NEK5: variants seen among roughly 807,000 people sequenced by gnomAD.
NEK5 encodes NIMA related kinase 5.
A neutral mutation model predicts 109.2 loss-of-function variants in NEK5; 88 were observed. That is an observed-to-expected ratio of 0.81 (90% CI 0.68 to 0.96). The LOEUF is 0.96. Ranked by LOEUF, NEK5 falls within the 40% of genes least tolerant of loss-of-function variation. NEK5 has a pLI of 0.00. For missense variants in NEK5, 834 were observed against 920.7 expected (o/e 0.91, Z 1.22); for synonymous variants, 283 against 299.9 (o/e 0.94, Z 0.58).
intron 9 of NEK5, among the ~76,000 whole-genome samples, chr13:52,102,635 G>A (rs1269420138): frequency 6.6e-6 from 1 of 152,220 alleles, no homozygotes; most frequent in Non-Finnish European, 1.5e-5. Context: ...CAAAGCTGCA[G>A]TAAGCCGTGA....
At chr13:52,060,214 T>C (rs1215324630) in intron 22 of NEK5, among the ~76,000 whole-genome samples, 1 of 152,136 alleles carries the variant, frequency 6.6e-6, no homozygotes, top group Non-Finnish European at 1.5e-5. Context: ...GATGTGTTAA[T>C]AAAATGTCCT....
chr13:52,113,297 T>C (rs1429455817), intron 4 of NEK5, among the ~76,000 whole-genome samples: 1 of 152,210 alleles, frequency 6.6e-6, no homozygotes, highest in Non-Finnish European at 1.5e-5. Flanking sequence ...TTCAGAACTA[T>C]AGTCAGTGGA....
At chr13:52,117,830 T>G (rs754017162) in intron 4 of NEK5, among the ~76,000 whole-genome samples, 20 of 152,198 alleles carry the variant, frequency 1.3e-4, no homozygotes, top group Non-Finnish European at 1.5e-4. Context: ...GAATTGTGAG[T>G]TCAGAAAAGG....
At chr13:52,096,583 CAG>C (rs955228174) in intron 12 of NEK5, among the ~76,000 whole-genome samples, 2 of 152,126 alleles carry the variant, frequency 1.3e-5, no homozygotes, top group Admixed American at 1.3e-4. Flanking sequence ...GGGCGTCTGA[CAG>C]AAAAAATTTC....
intron 20 of NEK5, among the ~76,000 whole-genome samples, chr13:52,068,982 A>AAAAAAAG (rs1954739496): frequency 6.6e-6 from 1 of 150,562 alleles, no homozygotes; most frequent in Non-Finnish European, 1.5e-5. Flanking sequence ...AAAAAAAAAC[A>AAAAAAAG]AAAAAAGAAA....
intron 20 of NEK5, among the ~76,000 whole-genome samples, chr13:52,068,495 A>T (rs987634917): frequency 7.0e-6 from 1 of 141,920 alleles, no homozygotes; most frequent in Non-Finnish European, 1.6e-5. Context: ...ACACACACAC[A>T]CTCATATATA....
At chr13:52,065,419 G>A in intron 21 of NEK5, 65 bp downstream of exon 21, 1 of 1,609,366 alleles carries the variant, frequency 6.2e-7, no homozygotes, top group Non-Finnish European at 8.5e-7. Context: ...ACATCAGGAT[G>A]AGCACTGGGC....
chr13:52,080,010 G>A (rs1311471693), intron 17 of NEK5, among the ~76,000 whole-genome samples: 5 of 151,862 alleles, frequency 3.3e-5, no homozygotes, highest in Admixed American at 6.6e-5. Context: ...GAAGCGAGGA[G>A]ACCCTCCGCC....
chr13:52,064,189 C>A (rs1954646156), intron 21 of NEK5, among the ~76,000 whole-genome samples: 2 of 143,544 alleles, frequency 1.4e-5, no homozygotes, highest in South Asian at 2.2e-4. Context: ...GGGGGTCAGC[C>A]CCCCGCCCGG....
chr13:52,039,780 A>ATT (rs1225547514), intron 23 of NEK5, among the ~76,000 whole-genome samples: 1 of 151,960 alleles, frequency 6.6e-6, no homozygotes, highest in Non-Finnish European at 1.5e-5. Context: ...CTATTCATAG[A>ATT]TTTTTTTCAA....
rs186598980 is a variant in NEK5 at position 52,095,626 on chromosome 13, G to A, written c.1027-2391C>T. Among the ~76,000 whole-genome samples the A allele has an allele frequency of 4.1e-3, 631 of 152,266 alleles. 2 individuals are homozygous for A. The highest frequency in any genetic ancestry group is 7.8e-3 in the Admixed American group (119 of 15,292). On this transcript the variant is annotated intron_variant, in intron 12 of 23. Coordinates refer to ENST00000684899, the MANE Select transcript of NEK5 (RefSeq NM_001365552.1). The stretch of plus-strand genomic sequence containing the variant: ...CCTTAGGCTGGGCACAGTGGCTCAC[G>A]CCTATAATCCCAGCACTTTGGGAGG...
chr13:52,034,693 TTC>T lies in NEK5; in HGVS notation c.*2253_*2254del, dbSNP rs1954342707. On this transcript the variant is annotated 3_prime_UTR_variant, in exon 24 of 24. Transcript: ENST00000684899. ...AGGTGCACACCAACACACCAGCTAA[TTC>T]TTTTTTTTTTTTTTTTTTTTCTGAG... The T allele has an allele frequency of 1.8e-5, 2 of 113,990 alleles. No homozygotes were observed. The highest frequency in any genetic ancestry group is 4.1e-5 in the Non-Finnish European group (2 of 48,556). The allele number at this position is 113,990 out of a possible 1,614,324, so 7.1% of individuals were successfully genotyped here. A position where few individuals can be genotyped will look rare whatever the true frequency, so the allele number is the denominator to read the frequency against.
At chr13:52,041,257 C>T (rs1001978414) in intron 23 of NEK5, among the ~76,000 whole-genome samples, 1 of 151,864 alleles carries the variant, frequency 6.6e-6, no homozygotes, top group Admixed American at 6.6e-5. Context: ...TGATAAGTCT[C>T]CTAAAGTAAG....
At chr13:52,042,128 C>T (rs1454206762) in intron 23 of NEK5, among the ~76,000 whole-genome samples, 2 of 151,702 alleles carry the variant, frequency 1.3e-5, no homozygotes, top group Non-Finnish European at 2.9e-5. Flanking sequence ...AGTTGTCAAC[C>T]TAAAATTATA....
At chr13:52,089,093 A>AAACAACAACAAC (rs147701822) in intron 14 of NEK5, among the ~76,000 whole-genome samples, 154 bp downstream of exon 14, 67,009 of 150,790 alleles carry the variant, frequency 0.44, 15,931 homozygotes, top group East Asian at 0.55. Flanking sequence ...CTGTCTCAGA[A>AAACAACAACAAC]AACAACAACA....
chr13:52,089,677 C>T (rs747519182), intron 13 of NEK5, among the ~76,000 whole-genome samples: 45 of 152,170 alleles, frequency 3.0e-4, no homozygotes, highest in East Asian at 1.5e-3. Context: ...GTCTAATGTA[C>T]AGGTTGTCGC....
intron 14 of NEK5, 44 bp from the exon 15 acceptor site, chr13:52,087,498 G>A (rs201220601): frequency 1.0e-4 from 97 of 937,404 alleles, no homozygotes; most frequent in East Asian, 2.2e-4. Context: ...CTTTGATTTC[G>A]GAAACATCTT....
intron 12 of NEK5, among the ~76,000 whole-genome samples, chr13:52,094,461 A>G (rs561715985): frequency 1.3e-5 from 2 of 152,250 alleles, no homozygotes; most frequent in Non-Finnish European, 2.9e-5. Flanking sequence ...TATATGGTTC[A>G]CATATATGTT....
Position 52,123,367 on chromosome 13 carries a change from G to A in NEK5, c.118-3952C>T, listed in dbSNP as rs577127570. On this transcript the variant is annotated intron_variant, in intron 3 of 23. Coordinates refer to ENST00000684899, the MANE Select transcript of NEK5 (RefSeq NM_001365552.1). The stretch of plus-strand genomic sequence containing the variant: ...GTGATGAAAAATTGGTGCTCTATTA[G>A]AAAAATATAGTCAATTTTTGATTAT... Among the ~76,000 whole-genome samples the A allele has an allele frequency of 9.2e-5, 14 of 152,190 alleles. No individual in the cohort carries two copies. The South Asian group carries it at 2.9e-3, about 32-fold the overall frequency.
Sources: gnomAD v4.1 joint callset for allele counts (sites outside exome capture counted in the v4.1 genomes callset) on GRCh38, gnomAD v4.1.1 for gene constraint, MANE v1.5 for transcripts, NCBI Gene and HGNC (gene_info 2026-07-23, HGNC 2026-07-21) for gene names.